CASZ1: variants seen among roughly 807,000 people sequenced by gnomAD.
CASZ1 encodes the protein castor zinc finger 1.
Under a neutral mutation model 135.2 loss-of-function variants are expected in CASZ1, and 28 were observed. The observed-to-expected ratio is 0.21, with a 90% CI of 0.15 to 0.28. The LOEUF (loss-of-function observed/expected upper bound fraction) is 0.28, where lower values mean the gene tolerates loss of function less well. Among genes scored for constraint, CASZ1 ranks in the 10% least tolerant of loss-of-function variants. CASZ1 has a pLI of 1.00. For synonymous variants in CASZ1, 1,068 were observed against 1,073.4 expected, an observed-to-expected ratio of 0.99 and a Z score of 0.10; for missense variants, 2,161 against 2,453.3, an observed-to-expected ratio of 0.88 and a Z score of 2.52.
At chr1:10,715,467 C>G (rs1266236953) in intron 2 of CASZ1, among the ~76,000 whole-genome samples, 1 of 151,864 alleles carries the variant, frequency 6.6e-6, no homozygotes, top group South Asian at 2.1e-4. Context: ...GATGCCTCCT[C>G]CACTCCCCAC....
At chr1:10,761,811 G>A (rs947924752) in intron 1 of CASZ1, among the ~76,000 whole-genome samples, 2 of 152,180 alleles carry the variant, frequency 1.3e-5, no homozygotes, top group African/African-American at 4.8e-5. Context: ...GCCCGGCCTC[G>A]TGGATGTGAG....
intron 2 of CASZ1, among the ~76,000 whole-genome samples, chr1:10,737,898 T>G (rs2100523618): frequency 6.6e-6 from 1 of 152,308 alleles, no homozygotes; most frequent in African/African-American, 2.4e-5. Context: ...TGTGGGGCGC[T>G]GGGTGCAGTC....
chr1:10,718,618 T>C (rs981548909), intron 2 of CASZ1, among the ~76,000 whole-genome samples: 1 of 151,864 alleles, frequency 6.6e-6, no homozygotes, highest in African/African-American at 2.4e-5. Flanking sequence ...GGCCAGAGGG[T>C]GGGAAAGGAA....
intron 1 of CASZ1, among the ~76,000 whole-genome samples, chr1:10,790,208 G>C (rs1640931840): frequency 6.6e-6 from 1 of 152,216 alleles, no homozygotes; most frequent in African/African-American, 2.4e-5. Flanking sequence ...GTAGAAAGTG[G>C]ACAGAGAAGA....
chr1:10,677,079 C>T (rs1229573783), intron 4 of CASZ1, among the ~76,000 whole-genome samples: 2 of 152,216 alleles, frequency 1.3e-5, no homozygotes, highest in African/African-American at 4.8e-5. Context: ...CCTGGGGCTC[C>T]ATCGCCCCCC....
chr1:10,639,253 G>C lies in CASZ1; in HGVS notation c.4969C>G (p.Pro1657Ala). Residue 1657 changes from proline to alanine, a missense_variant, in exon 21 of 21, where the codon CCC becomes GCC. Physicochemically the swap from Pro to Ala is conservative, Grantham distance 27. This residue lies in a region of CASZ1 where 185 missense variants were observed against 134.7 expected (regional missense o/e 1.37). Coordinates refer to ENST00000377022, the MANE Select transcript of CASZ1 (RefSeq NM_001079843.3). This position sits in a 1 kb window ranked among gnomAD's most constrained non-coding sequence, Gnocchi z 4.0. Reference sequence around the variant, plus strand: ...GCGGCGGCGCCCTCGCGCGGCCCGGGGGCGGCGGCGTCGGGCGGGCCGGGG... The same window carrying C: ...GCGGCGGCGCCCTCGCGCGGCCCGGCGGCGGCGGCGTCGGGCGGGCCGGGG... Reference protein sequence around the residue: ...GDPGPPDAAAPGPREGAAAAA... With the variant: ...GDPGPPDAAAAGPREGAAAAA... The C allele has an allele frequency of 2.1e-6, 2 of 952,148 alleles. No homozygotes were observed. Among genetic ancestry groups the C allele is most frequent in the Non-Finnish European group, 2.5e-6 (2 of 799,252 alleles). 59.0% of individuals were successfully genotyped at this position (952,148 alleles called of 1,614,324 possible).
At chr1:10,668,822 G>A (rs935573615) in intron 4 of CASZ1, among the ~76,000 whole-genome samples, 1 of 152,254 alleles carries the variant, frequency 6.6e-6, no homozygotes, top group African/African-American at 2.4e-5. Context: ...TAGCAGGGAT[G>A]AACCTGGGAA....
chr1:10,778,323 C>T (rs1026207178), intron 1 of CASZ1, among the ~76,000 whole-genome samples: 1 of 152,056 alleles, frequency 6.6e-6, no homozygotes, highest in African/African-American at 2.4e-5. Flanking sequence ...CACACTCTCA[C>T]ACAACCACAC....
At position 10,726,496 on chromosome 1, in the gene CASZ1, G is replaced by A. The variant is rs1344609835; in HGVS notation, c.-76-20952C>T. On this transcript the variant is annotated intron_variant, in intron 2 of 20. Coordinates refer to ENST00000377022, the MANE Select transcript of CASZ1 (RefSeq NM_001079843.3). The surrounding 1 kb of genome is among the most constrained non-coding windows in gnomAD (Gnocchi z 5.7). Reference sequence around the variant, plus strand: ...CCTCCAGGCTGGCCAGGCTGGGGCCGGTGGAGGATGCCACCTTTTCCTCGT... The same window carrying A: ...CCTCCAGGCTGGCCAGGCTGGGGCCAGTGGAGGATGCCACCTTTTCCTCGT... 1.3e-5 allele frequency among the ~76,000 whole-genome samples: 2 copies of A among 152,200 alleles called. No individual in the cohort carries two copies. The highest frequency in any genetic ancestry group is 2.1e-4 in the South Asian group (1 of 4,834).
At chr1:10,660,849 G>A (rs570758893) in intron 5 of CASZ1, 7 of 381,098 alleles carry the variant, frequency 1.8e-5, no homozygotes, top group Admixed American at 4.4e-5. Context: ...CCGCTCTCTC[G>A]CCTTGGCCTA....
Position 10,665,635 on chromosome 1 carries a change from C to T in CASZ1, c.17-64G>A, listed in dbSNP as rs41274490. ...CAAGGCCAAGAACAACCCACCCTCC[C>T]GAACAGCCCTGCATCCCCCAAGCTG... On this transcript the variant is annotated intron_variant, in intron 4 of 20. Coordinates refer to ENST00000377022, the MANE Select transcript of CASZ1 (RefSeq NM_001079843.3). 8,050 of 1,457,726 alleles carry T rather than the reference C, an allele frequency of 5.5e-3. 26 individuals carry two copies. Among genetic ancestry groups the T allele is most frequent in the Non-Finnish European group, 6.6e-3 (7,268 of 1,106,806 alleles). 90.3% of individuals were successfully genotyped at this position (1,457,726 alleles called of 1,614,324 possible).
chr1:10,690,674 G>A (rs1397204149), intron 4 of CASZ1, among the ~76,000 whole-genome samples: 1 of 151,130 alleles, frequency 6.6e-6, no homozygotes, highest in South Asian at 2.1e-4. Context: ...GTCCCTCACC[G>A]GCACCCCCTG....
Position 10,676,448 on chromosome 1 carries a change from A to G in CASZ1, c.17-10877T>C, listed in dbSNP as rs751741356. Among the ~76,000 whole-genome samples the G allele has an allele frequency of 2.0e-5, 3 of 152,084 alleles. No homozygotes were observed. The highest frequency in any genetic ancestry group is 2.9e-5 in the Non-Finnish European group (2 of 67,990). On this transcript the variant is annotated intron_variant, in intron 4 of 20. Transcript: ENST00000377022. The surrounding 1 kb of genome is among the most constrained non-coding windows in gnomAD (Gnocchi z 4.5). ...GTGACCTTTCAACAGAACATCCCCA[A>G]TGCAGGCTCTTCCCACCAGGACAAA...
chr1:10,795,572 C>A lies in CASZ1; in HGVS notation c.-234+992G>T, dbSNP rs548628992. Among the ~76,000 whole-genome samples the A allele has an allele frequency of 1.6e-4, 25 of 152,304 alleles. No individual in the cohort carries two copies. The South Asian group carries it at 4.8e-3, about 29-fold the overall frequency. ...TCCCCGGGCGCAACTTCTCTTCTGG[C>A]GCACACAACAGCCGGCAACAACTCG... On this transcript the variant is annotated intron_variant, in intron 1 of 20. Coordinates refer to ENST00000377022, the MANE Select transcript of CASZ1 (RefSeq NM_001079843.3).
rs1249807615 is a variant in CASZ1 at position 10,735,700 on chromosome 1, G to A, written c.-77+25001C>T. The stretch of plus-strand genomic sequence containing the variant: ...GGCCAGCTGAACCCTCAGTTCCTTC[G>A]GTTAAATGAGGTCAAATGCTTTTCA... On this transcript the variant is annotated intron_variant, in intron 2 of 20. Transcript: ENST00000377022. The surrounding 1 kb of genome is among the most constrained non-coding windows in gnomAD (Gnocchi z 5.1). Among the ~76,000 whole-genome samples, 3 of 152,120 alleles carry A rather than the reference G, an allele frequency of 2.0e-5. No homozygotes were observed. Among genetic ancestry groups the A allele is most frequent in the East Asian group, 1.9e-4 (1 of 5,194 alleles).
At chr1:10,648,307 G>A in intron 15 of CASZ1, 168 bp from the exon 16 acceptor site, 1 of 547,778 alleles carries the variant, frequency 1.8e-6, no homozygotes, top group Non-Finnish European at 3.1e-6. Flanking sequence ...GGACTGGAGG[G>A]CAAACTGCAG....
chr1:10,766,900 C>T (rs1442818207), intron 1 of CASZ1, among the ~76,000 whole-genome samples: 2 of 152,094 alleles, frequency 1.3e-5, no homozygotes, highest in Non-Finnish European at 1.5e-5. Context: ...CACACTGGTA[C>T]ATGATTTAAC....
chr1:10,689,315 C>T (rs997900219), intron 4 of CASZ1, among the ~76,000 whole-genome samples: 6 of 152,192 alleles, frequency 3.9e-5, no homozygotes, highest in Admixed American at 1.3e-4. Flanking sequence ...GAGGAGATGC[C>T]GCTGCGTGGC....
At chr1:10,703,079 G>T (rs1274173279) in intron 3 of CASZ1, among the ~76,000 whole-genome samples, 2 of 152,030 alleles carry the variant, frequency 1.3e-5, no homozygotes, top group East Asian at 3.9e-4. Flanking sequence ...AGGGGAAAGA[G>T]AGATGGACAA....
Sources: allele counts gnomAD v4.1 joint callset (sites outside exome capture counted in the v4.1 genomes callset), GRCh38; gene constraint gnomAD v4.1.1; regional missense constraint gnomAD v4.1.1; non-coding constraint Gnocchi (gnomAD v3.1); transcripts MANE v1.5; gene names NCBI Gene and HGNC (gene_info 2026-07-23, HGNC 2026-07-21).